POGZ: variants seen among roughly 807,000 people sequenced by gnomAD.
The protein encoded by POGZ is pogo transposable element with ZNF domain.
A neutral mutation model predicts 134.6 loss-of-function variants in POGZ; 17 were observed. That is an observed-to-expected ratio of 0.13 (90% CI 0.09 to 0.19). The LOEUF is 0.19. POGZ is among the 10% of genes least tolerant of loss of function. The pLI is 1.00. For synonymous variants in POGZ, 693 were observed against 657.1 expected, an observed-to-expected ratio of 1.05 and a Z score of -0.84; for missense variants, 1,306 against 1,769.7, an observed-to-expected ratio of 0.74 and a Z score of 4.70.
intron 1 of POGZ, among the ~76,000 whole-genome samples, chr1:151,457,137 C>T (rs912694587): frequency 5.3e-5 from 8 of 152,220 alleles, no homozygotes; most frequent in Admixed American, 2.0e-4. Flanking sequence ...TGCTTTCCTA[C>T]ATTATACCAC....
intron 8 of POGZ, 63 bp from the exon 9 acceptor site, chr1:151,424,349 A>C: frequency 1.0e-6 from 1 of 972,334 alleles, no homozygotes; most frequent in Non-Finnish European, 1.5e-6. Flanking sequence ...TAACTCCTTA[A>C]CTTCACTACC....
chr1:151,454,561 G>C (rs1365732835), intron 1 of POGZ, among the ~76,000 whole-genome samples: 2 of 152,116 alleles, frequency 1.3e-5, no homozygotes, highest in Admixed American at 6.5e-5. Context: ...CCTGTATCAA[G>C]AAACACCCAA....
At chr1:151,439,606 C>G (rs1660196547) in intron 3 of POGZ, among the ~76,000 whole-genome samples, 1 of 152,172 alleles carries the variant, frequency 6.6e-6, no homozygotes, top group African/African-American at 2.4e-5. Context: ...AAAACATTCA[C>G]CACAGCATCA....
chr1:151,404,714 C>T lies in POGZ; in HGVS notation c.*88G>A. The T allele has an allele frequency of 6.8e-7, 1 of 1,475,218 alleles. No individual in the cohort carries two copies. The highest frequency in any genetic ancestry group is 9.0e-7 in the Non-Finnish European group (1 of 1,114,426). 91.4% of individuals were successfully genotyped at this position (1,475,218 alleles called of 1,614,324 possible). A position where few individuals can be genotyped will look rare whatever the true frequency, so the allele number is the denominator to read the frequency against. On this transcript the variant is annotated 3_prime_UTR_variant, in exon 19 of 19. Coordinates refer to ENST00000271715, the MANE Select transcript of POGZ (RefSeq NM_015100.4). ...ATTAAAAAATAGAAACCAAATACCC[C>T]ACCTGGTATGCCCCCTTTTCCCTAA...
chr1:151,458,331 C>T (rs1415034142), intron 1 of POGZ, among the ~76,000 whole-genome samples: 1 of 152,066 alleles, frequency 6.6e-6, no homozygotes, highest in African/African-American at 2.4e-5. Context: ...ACATAATCAC[C>T]AGAAAATAAA....
At chr1:151,423,284 T>TATGAAAAG in intron 10 of POGZ, 113 bp downstream of exon 10, 1 of 854,718 alleles carries the variant, frequency 1.2e-6, no homozygotes, top group East Asian at 2.6e-5. Flanking sequence ...TGAAAAGTAC[T>TATGAAAAG]TCCTCTACAC....
Position 151,423,506 on chromosome 1 carries a change from G to A in POGZ, c.1569C>T (p.Asn523=), listed in dbSNP as rs991557635. ...AGATAGTGTGACCATCTACCTCACCGTTCTGCTGATCGAGTTCTACGTGGT... is the reference window on the plus strand; with the variant it reads ...AGATAGTGTGACCATCTACCTCACCATTCTGCTGATCGAGTTCTACGTGGT... ...MKHHVELDQQ[N]GEVDGHTICQ... is the part of the protein sequence containing the mutation. Residue 523 remains asparagine (N), a synonymous_variant, in exon 10 of 19, where the codon AAC becomes AAT. Coordinates refer to ENST00000271715, the MANE Select transcript of POGZ (RefSeq NM_015100.4). 9.3e-6 allele frequency: 15 copies of A among 1,613,552 alleles called. No homozygotes were observed. Among genetic ancestry groups the A allele is most frequent in the Admixed American group, 8.3e-5 (5 of 59,988 alleles).
chr1:151,453,871 G>A (rs1662449031), intron 1 of POGZ, among the ~76,000 whole-genome samples: 1 of 152,126 alleles, frequency 6.6e-6, no homozygotes, highest in Non-Finnish European at 1.5e-5. Flanking sequence ...GATAAAAACA[G>A]ACCTTTTAAA....
At chr1:151,419,492 A>AC (rs1234005701) in intron 10 of POGZ, among the ~76,000 whole-genome samples, 1 of 150,446 alleles carries the variant, frequency 6.6e-6, no homozygotes, top group Non-Finnish European at 1.5e-5. Context: ...TACAAAAAAC[A>AC]CCCCCCAAAA....
chr1:151,404,094 T>A lies in POGZ; in HGVS notation c.*708A>T. 1.0e-6 allele frequency: 1 copy of A among 985,530 alleles called. No homozygotes were observed. The highest frequency in any genetic ancestry group is 1.2e-6 in the Non-Finnish European group (1 of 829,914). 61.0% of individuals were successfully genotyped at this position (985,530 alleles called of 1,614,324 possible). ...AAAAGACAAATCTATTCATTCTGGA[T>A]AATTAAAGGTGGTTTCATGCATTTT... is the stretch of plus-strand genomic sequence containing the variant. On this transcript the variant is annotated 3_prime_UTR_variant, in exon 19 of 19. Transcript: ENST00000271715.
rs1654079054 is a variant in POGZ at position 151,408,529 on chromosome 1, T to C, written c.2114A>G (p.Asn705Ser). 6.2e-7 allele frequency: 1 copy of C among 1,601,756 alleles called. No homozygotes were observed. Among genetic ancestry groups the C allele is most frequent in the African/African-American group, 1.4e-5 (1 of 74,008 alleles). The change falls in exon 14 of 19, where the codon AAT (asparagine) becomes AGT (serine). Residue 705 changes from asparagine to serine, a missense_variant. Coordinates refer to ENST00000271715, the MANE Select transcript of POGZ (RefSeq NM_015100.4). ...CTGCAAGGCGCTGGGAGGTGTATCATTAGAGGATACAGGAACAGTTCGTGG... is the reference window on the plus strand; with the variant it reads ...CTGCAAGGCGCTGGGAGGTGTATCACTAGAGGATACAGGAACAGTTCGTGG... ...GQPRTVPVSS[N>S]DTPPSALQEA...
rs1663230613 is a variant in POGZ at position 151,459,326 on chromosome 1, T to TC, written c.-177dup. On this transcript the variant is annotated 5_prime_UTR_variant, in exon 1 of 19. Coordinates refer to ENST00000271715, the MANE Select transcript of POGZ (RefSeq NM_015100.4). Reference sequence around the variant, plus strand: ...GTCTCCCCAAGGGTGAAAGGAAGCCTCCCTCGGGTTCGAGTGATTCGGGGT... The same window carrying TC: ...GTCTCCCCAAGGGTGAAAGGAAGCCTCCCCTCGGGTTCGAGTGATTCGGGGT... 1 of 138,194 alleles carries TC rather than the reference T, an allele frequency of 7.2e-6. No homozygotes were observed. The highest frequency in any genetic ancestry group is 7.7e-5 in the Admixed American group (1 of 13,008). The allele number at this position is 138,194 out of a possible 1,614,324, so 8.6% of individuals were successfully genotyped here.
chr1:151,414,884 C>T (rs1655353304), intron 10 of POGZ, among the ~76,000 whole-genome samples: 1 of 152,196 alleles, frequency 6.6e-6, no homozygotes, highest in African/African-American at 2.4e-5. Context: ...ACCTTTGACA[C>T]ATCAGTTCTA....
At chr1:151,439,266 A>C (rs1026151484) in intron 3 of POGZ, among the ~76,000 whole-genome samples, 1 of 152,186 alleles carries the variant, frequency 6.6e-6, no homozygotes, top group African/African-American at 2.4e-5. Flanking sequence ...AAATAATAGA[A>C]ATCTTTACAT....
intron 10 of POGZ, among the ~76,000 whole-genome samples, chr1:151,419,042 A>AAAAAG (rs1557892308): frequency 6.7e-6 from 1 of 149,874 alleles, no homozygotes; most frequent in Non-Finnish European, 1.5e-5. Context: ...AAAAAAAAAA[A>AAAAAG]AAAAGAAAAA....
At chr1:151,409,385 CT>C (rs910742172) in intron 12 of POGZ, among the ~76,000 whole-genome samples, 1 of 101,134 alleles carries the variant, frequency 9.9e-6, no homozygotes. Context: ...GCCTCGCCCC[CT>C]TTTTTTGAGA....
intron 3 of POGZ, among the ~76,000 whole-genome samples, chr1:151,432,315 T>G (rs1380728527): frequency 6.6e-6 from 1 of 152,160 alleles, no homozygotes; most frequent in South Asian, 2.1e-4. Context: ...TCACCACAGT[T>G]AACTACAAAG....
rs1050572597 is a variant in POGZ, at chr1:151,454,336, C to A, written c.-2+4816G>T. On this transcript the variant is annotated intron_variant, in intron 1 of 18. Transcript: ENST00000271715. Reference sequence around the variant, plus strand: ...TTTTTGGCTCTAAAAAGGACTAATACCAGAAAACCTATAGGGCTGAATACT... The same window carrying A: ...TTTTTGGCTCTAAAAAGGACTAATAACAGAAAACCTATAGGGCTGAATACT... Among the ~76,000 whole-genome samples, 3 of 152,108 alleles carry A rather than the reference C, an allele frequency of 2.0e-5. No homozygotes were observed. In the South Asian group the frequency reaches 6.2e-4, roughly 32 times the overall value.
At position 151,459,477 on chromosome 1, in the gene POGZ, C is replaced by G. The variant is rs968074832; in HGVS notation, c.-327G>C. On this transcript the variant is annotated 5_prime_UTR_variant, in exon 1 of 19. Transcript: ENST00000271715. ...CGCCGACTCCCCCCACCGACCCTCT[C>G]GCCCCGCGGAGGGATACGGCTCGTC... 2 of 152,276 alleles carry G rather than the reference C, an allele frequency of 1.3e-5. No individual in the cohort carries two copies. The highest frequency in any genetic ancestry group is 2.9e-5 in the Non-Finnish European group (2 of 68,036). The allele number at this position is 152,276 out of a possible 1,614,324, so 9.4% of individuals were successfully genotyped here. A position where few individuals can be genotyped will look rare whatever the true frequency, so the allele number is the denominator to read the frequency against.
Sources: allele counts gnomAD v4.1 joint callset (sites outside exome capture counted in the v4.1 genomes callset), GRCh38; gene constraint gnomAD v4.1.1; transcripts MANE v1.5; gene names NCBI Gene and HGNC (gene_info 2026-07-23, HGNC 2026-07-21).